The following DENND4A variants were observed in gnomAD, a reference collection of about 807,000 sequenced individuals.
The protein encoded by DENND4A is C-myc promoter-binding protein.
A neutral mutation model predicts 199.3 loss-of-function variants in DENND4A; 70 were observed. That is an observed-to-expected ratio of 0.35 (90% CI 0.29 to 0.43). The LOEUF is 0.43. DENND4A is among the 20% of genes least tolerant of loss of function. The pLI, the probability that DENND4A is intolerant of heterozygous loss-of-function variation, is 1.00. For synonymous variants in DENND4A, 686 were observed against 766.9 expected, an observed-to-expected ratio of 0.89 and a Z score of 1.74; for missense variants, 1,723 against 2,255.8, an observed-to-expected ratio of 0.76 and a Z score of 4.78.
At position 65,661,438 on chromosome 15, in the gene DENND4A, A is replaced by G. The variant is rs977074144; in HGVS notation, c.*413T>C. On this transcript the variant is annotated 3_prime_UTR_variant, in exon 33 of 33. Transcript: ENST00000443035. ...TTTAAAATATGTATAATACAACTTC[A>G]TGGTCAAAACATTTGAATAGTCTAT... The G allele has an allele frequency of 1.3e-5, 2 of 153,430 alleles. No individual in the cohort carries two copies. The highest frequency in any genetic ancestry group is 4.8e-5 in the African/African-American group (2 of 41,498). The allele number at this position is 153,430 out of a possible 1,614,324, so 9.5% of individuals were successfully genotyped here.
intron 23 of DENND4A, chr15:65,681,207 A>G (rs1030755174): frequency 6.6e-6 from 1 of 152,180 alleles, no homozygotes; most frequent in Non-Finnish European, 1.5e-5. Context: ...TATTTTCACC[A>G]TATCTGCATA....
At chr15:65,706,446 TAAC>T (rs1228913469) in intron 14 of DENND4A, among the ~76,000 whole-genome samples, 1 of 94,682 alleles carries the variant, frequency 1.1e-5, no homozygotes, top group Non-Finnish European at 2.1e-5. Context: ...AAGGGGAAAA[TAAC>T]ACACACACAC....
intron 21 of DENND4A, 187 bp from the exon 22 acceptor site, chr15:65,696,684 A>T: frequency 2.3e-6 from 1 of 443,302 alleles, no homozygotes; most frequent in African/African-American, 2.0e-5. Context: ...CAAAGTGTAG[A>T]TCAAACTACT....
At chr15:65,671,035 C>T (rs1356592677) in intron 25 of DENND4A, among the ~76,000 whole-genome samples, 2 of 152,154 alleles carry the variant, frequency 1.3e-5, no homozygotes, top group East Asian at 1.9e-4. Context: ...CAGAGACCTA[C>T]GTCAAACTGA....
intron 4 of DENND4A, among the ~76,000 whole-genome samples, chr15:65,750,984 T>C (rs891932207): frequency 3.3e-5 from 5 of 152,172 alleles, no homozygotes; most frequent in African/African-American, 1.2e-4. Flanking sequence ...CCAAGGTCTG[T>C]TCTTGTATAT....
chr15:65,700,019 G>A (rs955663012), intron 20 of DENND4A, among the ~76,000 whole-genome samples: 2 of 151,728 alleles, frequency 1.3e-5, no homozygotes, highest in African/African-American at 4.8e-5. Flanking sequence ...TTTTTATTAT[G>A]ACTTTTAAAA....
At chr15:65,780,298 T>C (rs1460531837) in intron 1 of DENND4A, among the ~76,000 whole-genome samples, 1 of 152,160 alleles carries the variant, frequency 6.6e-6, no homozygotes, top group African/African-American at 2.4e-5. Flanking sequence ...CCTCACACCT[T>C]AATCCAAAAG....
chr15:65,755,346 T>C (rs2076673332), intron 3 of DENND4A, among the ~76,000 whole-genome samples: 2 of 152,218 alleles, frequency 1.3e-5, no homozygotes, highest in South Asian at 2.1e-4. Flanking sequence ...CTAAAAACTA[T>C]TGAATTGTAC....
intron 14 of DENND4A, 63 bp from the exon 15 acceptor site, chr15:65,706,287 A>T (rs578244431): frequency 6.5e-6 from 9 of 1,389,328 alleles, no homozygotes; most frequent in Non-Finnish European, 8.5e-6. Flanking sequence ...GTTCATATAA[A>T]GGGAAGTGGT....
chr15:65,704,756 A>G (rs910727734), intron 15 of DENND4A, among the ~76,000 whole-genome samples: 1 of 151,714 alleles, frequency 6.6e-6, no homozygotes, highest in South Asian at 2.1e-4. Context: ...ATGCCTAGCT[A>G]ATTTTTGTAT....
chr15:65,792,289 G>A lies in DENND4A; in HGVS notation c.-381C>T, dbSNP rs2077759837. 6.6e-6 allele frequency: 1 copy of A among 152,490 alleles called. No homozygotes were observed. Among genetic ancestry groups the A allele is most frequent in the African/African-American group, 2.4e-5 (1 of 41,464 alleles). 9.4% of individuals were successfully genotyped at this position (152,490 alleles called of 1,614,324 possible). On this transcript the variant is annotated 5_prime_UTR_variant, in exon 1 of 33. Transcript: ENST00000443035. Reference sequence around the variant, plus strand: ...GGCCACCGCGACCGGCGCCATCTTGGCAATGACGGAAGGGGCGGGGGCGGG... The same window carrying A: ...GGCCACCGCGACCGGCGCCATCTTGACAATGACGGAAGGGGCGGGGGCGGG...
At chr15:65,772,289 G>C in intron 1 of DENND4A, 1 of 525,912 alleles carries the variant, frequency 1.9e-6, no homozygotes, top group African/African-American at 2.0e-5. Context: ...TACTGAAATG[G>C]ACATGTATCA....
At chr15:65,721,787 C>A (rs981484101) in intron 12 of DENND4A, among the ~76,000 whole-genome samples, 2 of 151,810 alleles carry the variant, frequency 1.3e-5, no homozygotes, top group African/African-American at 2.4e-5. Flanking sequence ...TACTGCTATA[C>A]CACTATTGAC....
chr15:65,664,700 A>G lies in DENND4A; in HGVS notation c.5382T>C (p.His1794=), dbSNP rs956371530. 2.1e-5 allele frequency: 34 copies of G among 1,612,376 alleles called. No homozygotes were observed. Among genetic ancestry groups the G allele is most frequent in the Non-Finnish European group, 2.8e-5 (33 of 1,179,284 alleles). Residue 1794 remains histidine (H), a synonymous_variant, in exon 31 of 33, where the codon CAT becomes CAC. Coordinates refer to ENST00000443035, the MANE Select transcript of DENND4A (RefSeq NM_001320835.1). ...ATGAGTTATCACTTTTTTGCAATAA[A>G]TGGACCATTGGATATTTTTGGGCTG... ...NAHTQKYPMV[H]LLQKSDNSFN...
chr15:65,701,250 T>C (rs998432873), intron 18 of DENND4A, 58 bp from the exon 19 acceptor site: 225 of 1,362,828 alleles, frequency 1.7e-4, no homozygotes, highest in Non-Finnish European at 2.1e-4. Context: ...TGAACATATA[T>C]TGGTTTCAGA....
At chr15:65,668,279 G>C (rs2076108448) in intron 27 of DENND4A, among the ~76,000 whole-genome samples, 156 bp from the exon 28 acceptor site, 1 of 150,574 alleles carries the variant, frequency 6.6e-6, no homozygotes, top group African/African-American at 2.4e-5. Context: ...TGTGATCTCA[G>C]CTCACTGCAA....
At chr15:65,780,052 T>A (rs978394586) in intron 1 of DENND4A, among the ~76,000 whole-genome samples, 2 of 151,798 alleles carry the variant, frequency 1.3e-5, no homozygotes, top group Non-Finnish European at 1.5e-5. Context: ...AAAAAAAAAA[T>A]TTAAGTAAAG....
chr15:65,768,236 T>G (rs1180752339), intron 1 of DENND4A, among the ~76,000 whole-genome samples: 6 of 152,248 alleles, frequency 3.9e-5, no homozygotes, highest in Non-Finnish European at 7.4e-5. Context: ...CTCCTGGTCT[T>G]GAACTCCTGG....
At chr15:65,685,246 C>T (rs555232015) in intron 23 of DENND4A, among the ~76,000 whole-genome samples, 1 of 152,282 alleles carries the variant, frequency 6.6e-6, no homozygotes, top group African/African-American at 2.4e-5. Flanking sequence ...CCTGCCTCAG[C>T]CTCCCGAGTA....
Sources: allele counts gnomAD v4.1 joint callset (sites outside exome capture counted in the v4.1 genomes callset), GRCh38; gene constraint gnomAD v4.1.1; transcripts MANE v1.5; gene names NCBI Gene and HGNC (gene_info 2026-07-23, HGNC 2026-07-21).